OSBPL3: variants seen among roughly 807,000 people sequenced by gnomAD.
OSBPL3 encodes oxysterol binding protein like 3.
A neutral mutation model predicts 120.1 loss-of-function variants in OSBPL3; 65 were observed. The ratio of observed to expected loss-of-function variants is 0.54; its 90% confidence interval spans 0.44 to 0.67. The LOEUF is 0.67. OSBPL3 is among the 30% of genes least tolerant of loss of function. The pLI is 0.00. For missense variants in OSBPL3, 1,004 were observed against 1,082.1 expected, an observed-to-expected ratio of 0.93 and a Z score of 1.01; for synonymous variants, 416 against 402.6, an observed-to-expected ratio of 1.03 and a Z score of -0.40.
In OSBPL3 at chr7:24,877,275, T is replaced by C. The variant is rs886753794; in HGVS notation, c.97-5206A>G. ...GAGTTAAGAAACAGTGCAGTATGGA[T>C]GGAGGCAAGTAAGGTCTTCAACCCT... On this transcript the variant is annotated intron_variant, in intron 2 of 22. Coordinates refer to ENST00000313367, the MANE Select transcript of OSBPL3 (RefSeq NM_015550.4). This position sits in a 1 kb window ranked among gnomAD's most constrained non-coding sequence, Gnocchi z 4.8. Among the ~76,000 whole-genome samples, 1 of 152,222 alleles carries C rather than the reference T, an allele frequency of 6.6e-6. No homozygotes were observed. The highest frequency in any genetic ancestry group is 1.5e-5 in the Non-Finnish European group (1 of 68,040).
chr7:24,796,742 C>T lies in OSBPL3; in HGVS notation c.*3441G>A, dbSNP rs1247359758. 1.4e-4 allele frequency: 21 copies of T among 152,118 alleles called. No individual in the cohort carries two copies. 9.4% of individuals were successfully genotyped at this position (152,118 alleles called of 1,614,324 possible). On this transcript the variant is annotated 3_prime_UTR_variant, in exon 23 of 23. Coordinates refer to ENST00000313367, the MANE Select transcript of OSBPL3 (RefSeq NM_015550.4). The surrounding 1 kb of genome is among the most constrained non-coding windows in gnomAD (Gnocchi z 5.2). ...AATAATCAGAAATAAAATAAATTAG[C>T]CACTTCTGATCACTGCATTCCCCAA...
rs371127031 is a variant in OSBPL3 at position 24,872,448 on chromosome 7, A to AGTGTGTGTGTGTGTGTGTGTGT, written c.97-401_97-380dup. Among the ~76,000 whole-genome samples the AGTGTGTGTGTGTGTGTGTGTGT allele has an allele frequency of 1.4e-5, 2 of 144,890 alleles. No individual in the cohort carries two copies. The highest frequency in any genetic ancestry group is 2.6e-5 in the African/African-American group (1 of 38,708). On this transcript the variant is annotated intron_variant, in intron 2 of 22. Transcript: ENST00000313367. This position sits in a 1 kb window ranked among gnomAD's most constrained non-coding sequence, Gnocchi z 4.1. Reference sequence around the variant, plus strand: ...TCAGTCTGAATTTTAACCGAAAGAGAGTGTGTGTGTGTGTGTGTGTGTGTG... The same window carrying AGTGTGTGTGTGTGTGTGTGTGT: ...TCAGTCTGAATTTTAACCGAAAGAGAGTGTGTGTGTGTGTGTGTGTGTGTGTGTGTGTGTGTGTGTGTGTGTG...
At chr7:24,974,072 T>C (rs557634811) in intron 1 of OSBPL3, among the ~76,000 whole-genome samples, 8 of 152,360 alleles carry the variant, frequency 5.3e-5, no homozygotes, top group African/African-American at 1.9e-4. Context: ...TTATTTTTCA[T>C]ACTAAATCTT....
intron 1 of OSBPL3, 135 bp from the exon 2 acceptor site, chr7:24,892,756 G>A (rs1465021497): frequency 2.4e-6 from 1 of 422,678 alleles, no homozygotes; most frequent in East Asian, 6.1e-5. Flanking sequence ...GCGCCGAGAA[G>A]GAAAAGAAGC....
intron 1 of OSBPL3, among the ~76,000 whole-genome samples, chr7:24,931,503 G>C (rs955742967): frequency 3.9e-5 from 6 of 152,134 alleles, no homozygotes; most frequent in African/African-American, 7.2e-5. Flanking sequence ...AGGAAGAAAA[G>C]GAGATGTGAT....
chr7:24,934,611 T>C (rs1279184927), intron 1 of OSBPL3, among the ~76,000 whole-genome samples: 1 of 152,172 alleles, frequency 6.6e-6, no homozygotes, highest in African/African-American at 2.4e-5. Context: ...GGATGAACCA[T>C]ATCAAGGAAA....
intron 1 of OSBPL3, among the ~76,000 whole-genome samples, chr7:24,927,225 G>T (rs1381315320): frequency 2.6e-5 from 4 of 152,186 alleles, no homozygotes; most frequent in Admixed American, 2.6e-4. Flanking sequence ...GCCAGCAGGG[G>T]AATTGACAAA....
intron 1 of OSBPL3, among the ~76,000 whole-genome samples, chr7:24,951,900 T>C (rs1301718846): frequency 6.6e-6 from 1 of 152,146 alleles, no homozygotes; most frequent in African/African-American, 2.4e-5. Context: ...AATAAACACT[T>C]CCAGTGAGAC....
rs1803040578 is a variant in OSBPL3 at position 24,877,668 on chromosome 7, TTAA to T, written c.97-5602_97-5600del. 6.6e-6 allele frequency among the ~76,000 whole-genome samples: 1 copy of T among 152,018 alleles called. No homozygotes were observed. The highest frequency in any genetic ancestry group is 2.4e-5 in the African/African-American group (1 of 41,374). The stretch of plus-strand genomic sequence containing the variant: ...CCCAGAACCTTCGGGACATGGGACT[TTAA>T]TAATGTGTGCTGGATTAGAGTGAGT... On this transcript the variant is annotated intron_variant, in intron 2 of 22. Coordinates refer to ENST00000313367, the MANE Select transcript of OSBPL3 (RefSeq NM_015550.4). This position sits in a 1 kb window ranked among gnomAD's most constrained non-coding sequence, Gnocchi z 4.8.
In OSBPL3 at chr7:24,912,175, T is replaced by C. The variant is rs914714145; in HGVS notation, c.-149-19554A>G. Among the ~76,000 whole-genome samples the C allele has an allele frequency of 1.1e-4, 16 of 152,246 alleles. No individual in the cohort carries two copies. The highest frequency in any genetic ancestry group is 3.9e-4 in the Admixed American group (6 of 15,282). On this transcript the variant is annotated intron_variant, in intron 1 of 22. Transcript: ENST00000313367. This position sits in a 1 kb window ranked among gnomAD's most constrained non-coding sequence, Gnocchi z 4.5. ...TTATCTCCGAAGTAAGAAAATATTC[T>C]CAAGTATCCATTTATCAAACTTTAA...
At chr7:24,892,001 T>C (rs1011456061) in intron 2 of OSBPL3, among the ~76,000 whole-genome samples, 7 of 152,178 alleles carry the variant, frequency 4.6e-5, no homozygotes, top group Admixed American at 1.3e-4. Flanking sequence ...TAAAGGAAAG[T>C]GTGGGCTCTG....
rs541395014 is a variant in OSBPL3, at chr7:24,824,905, G to T, written c.1885-4667C>A. On this transcript the variant is annotated intron_variant, in intron 16 of 22. Transcript: ENST00000313367. The surrounding 1 kb of genome is among the most constrained non-coding windows in gnomAD (Gnocchi z 4.9). ...CCATGCAGATATCTGAGAGAAGCAC[G>T]TCCCAGGCAGGGGACACAGCAAAGG... Among the ~76,000 whole-genome samples, 1 of 152,300 alleles carries T rather than the reference G, an allele frequency of 6.6e-6. No individual in the cohort carries two copies. Among genetic ancestry groups the T allele is most frequent in the East Asian group, 1.9e-4 (1 of 5,184 alleles).
chr7:24,959,731 G>A lies in OSBPL3; in HGVS notation c.-150+20155C>T, dbSNP rs1815500829. ...AAATCAATAGGTGAAACTTCCAAAA[G>A]AAAATATATTCCTTTTAAAATGCCA... On this transcript the variant is annotated intron_variant, in intron 1 of 22. Coordinates refer to ENST00000313367, the MANE Select transcript of OSBPL3 (RefSeq NM_015550.4). The surrounding 1 kb of genome is among the most constrained non-coding windows in gnomAD (Gnocchi z 4.3). Among the ~76,000 whole-genome samples, 2 of 152,118 alleles carry A rather than the reference G, an allele frequency of 1.3e-5. No homozygotes were observed. Among genetic ancestry groups the A allele is most frequent in the South Asian group, 4.1e-4 (2 of 4,828 alleles).
At chr7:24,841,564 G>A (rs909425903) in intron 13 of OSBPL3, among the ~76,000 whole-genome samples, 64 of 151,506 alleles carry the variant, frequency 4.2e-4, no homozygotes, top group African/African-American at 1.4e-3. Context: ...GGCATGGGGC[G>A]CACGCCTGTA....
At position 24,849,169 on chromosome 7, in the gene OSBPL3, G is replaced by A. The variant is rs1437807342; in HGVS notation, c.1166C>T (p.Ala389Val). 6.2e-7 allele frequency: 1 copy of A among 1,612,820 alleles called. No individual in the cohort carries two copies. The highest frequency in any genetic ancestry group is 8.5e-7 in the Non-Finnish European group (1 of 1,178,926). ...GCGTTCTTTAAGATCTGTGTTTTGT[G>A]CTAGGGCCTGGAACATGTTAAAATA... ...GLKNALSSAL[A>V]QNTDLKERLR... is the part of the protein sequence containing the mutation. The change falls in exon 12 of 23, where the codon GCA becomes GTA. Residue 389 changes from alanine (A) to valine (V), a missense_variant. By Grantham distance (64) the Ala-to-Val change is moderately conservative. Transcript: ENST00000313367. The surrounding 1 kb of genome is among the most constrained non-coding windows in gnomAD (Gnocchi z 5.4).
At chr7:24,874,189 C>A (rs1357380200) in intron 2 of OSBPL3, among the ~76,000 whole-genome samples, 1 of 152,114 alleles carries the variant, frequency 6.6e-6, no homozygotes, top group Admixed American at 6.5e-5. Context: ...TATCTTTGAG[C>A]CAAATGACTA....
At position 24,818,951 on chromosome 7, in the gene OSBPL3, A is replaced by G. The variant is rs550991920; in HGVS notation, c.1948+1224T>C. Reference sequence around the variant, plus strand: ...AAACTACTTTGAGAAGACCCCTCGCATTAAAAAAAAATCCAACTTTTGGCT... The same window carrying G: ...AAACTACTTTGAGAAGACCCCTCGCGTTAAAAAAAAATCCAACTTTTGGCT... On this transcript the variant is annotated intron_variant, in intron 17 of 22. Transcript: ENST00000313367. The surrounding 1 kb of genome is among the most constrained non-coding windows in gnomAD (Gnocchi z 4.0). Among the ~76,000 whole-genome samples, 1 of 152,142 alleles carries G rather than the reference A, an allele frequency of 6.6e-6. No homozygotes were observed. Among genetic ancestry groups the G allele is most frequent in the Non-Finnish European group, 1.5e-5 (1 of 68,018 alleles).
At position 24,842,985 on chromosome 7, in the gene OSBPL3, C is replaced by T. The variant is rs565118348; in HGVS notation, c.1267-572G>A. Among the ~76,000 whole-genome samples the T allele has an allele frequency of 1.2e-4, 18 of 152,290 alleles. No homozygotes were observed. The South Asian group carries it at 3.5e-3, about 30-fold the overall frequency. On this transcript the variant is annotated intron_variant, in intron 12 of 22. Transcript: ENST00000313367. ...TAAGTTCTCTTTGTCTGTCTCTTTC[C>T]ACCTACAATGACTGCAAGGAAAGGA...
intron 2 of OSBPL3, among the ~76,000 whole-genome samples, chr7:24,875,265 G>C (rs950549624): frequency 6.6e-5 from 10 of 152,114 alleles, no homozygotes; most frequent in African/African-American, 2.4e-4. Flanking sequence ...GTTCTTTTTG[G>C]AACTTTACCA....
Sources: gnomAD v4.1 joint callset for allele counts (sites outside exome capture counted in the v4.1 genomes callset) on GRCh38, gnomAD v4.1.1 for gene constraint, Gnocchi (gnomAD v3.1) non-coding constraint, MANE v1.5 for transcripts, NCBI Gene and HGNC (gene_info 2026-07-23, HGNC 2026-07-21) for gene names.